Variants in PRKN observed in about 807,000 individuals in gnomAD.
PRKN encodes E3 ubiquitin-protein ligase parkin.
A neutral mutation model predicts 59.5 loss-of-function variants in PRKN; 56 were observed. The observed-to-expected ratio is 0.94, with a 90% CI of 0.76 to 1.18. The LOEUF is 1.18. PRKN is among the 50% of genes most tolerant of loss of function. The probability of loss-of-function intolerance (pLI) is 0.00; values close to 1 mark genes in which losing one functional copy is unlikely to be tolerated. For missense variants in PRKN, 657 were observed against 596.4 expected, an observed-to-expected ratio of 1.10 and a Z score of -1.06; for synonymous variants, 250 against 222.1, an observed-to-expected ratio of 1.13 and a Z score of -1.12.
intron 7 of PRKN, among the ~76,000 whole-genome samples, chr6:161,689,944 A>G (rs1446808049): frequency 4.2e-5 from 2 of 47,098 alleles, no homozygotes; most frequent in Non-Finnish European, 9.4e-5. Context: ...TCCTGACCTC[A>G]AGGGATACAC....
chr6:161,394,698 C>G lies in PRKN; in HGVS notation c.1084-7821G>C, dbSNP rs77093892. Among the ~76,000 whole-genome samples, 55 of 152,220 alleles carry G rather than the reference C, an allele frequency of 3.6e-4. No individual in the cohort carries two copies. In the East Asian group the frequency reaches 0.011, roughly 29 times the overall value. On this transcript the variant is annotated intron_variant, in intron 9 of 11. Coordinates refer to ENST00000366898, the MANE Select transcript of PRKN (RefSeq NM_004562.3). ...AGTACCACCTGTCTCAGAACTAGGG[C>G]CCCTCAGAGAAGATGAGTTCATGCA...
chr6:162,350,490 T>A (rs1318673957), intron 2 of PRKN, among the ~76,000 whole-genome samples: 1 of 152,072 alleles, frequency 6.6e-6, no homozygotes, highest in African/African-American at 2.4e-5. Flanking sequence ...GACAAATAGA[T>A]CAATAGAACA....
Position 161,538,802 on chromosome 6 carries a change from T to C in PRKN, c.1083+10052A>G, listed in dbSNP as rs999176022. ...GAGCTTGTAGAGAGATTTGATTGAA[T>C]AACTGATCGACTTAGCCTTTCCCAG... is the stretch of plus-strand genomic sequence containing the variant. On this transcript the variant is annotated intron_variant, in intron 9 of 11. Transcript: ENST00000366898. The surrounding 1 kb of genome is among the most constrained non-coding windows in gnomAD (Gnocchi z 4.2). Among the ~76,000 whole-genome samples, 5 of 152,200 alleles carry C rather than the reference T, an allele frequency of 3.3e-5. No homozygotes were observed. The East Asian group carries it at 9.6e-4, about 29-fold the overall frequency.
intron 7 of PRKN, among the ~76,000 whole-genome samples, chr6:161,704,649 T>C (rs959112182): frequency 1.6e-4 from 24 of 152,268 alleles, no homozygotes; most frequent in Admixed American, 1.6e-3. Flanking sequence ...AGCTGCCTCA[T>C]GGTCATCTCC....
chr6:161,963,378 C>T (rs939079097), intron 6 of PRKN, among the ~76,000 whole-genome samples: 1 of 152,222 alleles, frequency 6.6e-6, no homozygotes. Flanking sequence ...CCTGTGACAT[C>T]TCTAGGAAGC....
intron 6 of PRKN, among the ~76,000 whole-genome samples, chr6:161,895,024 C>A (rs1206980857): frequency 6.6e-6 from 1 of 152,054 alleles, no homozygotes. Flanking sequence ...TTTTATAGAC[C>A]GCTTATTTGT....
At chr6:162,345,443 T>A (rs76843671) in intron 2 of PRKN, among the ~76,000 whole-genome samples, 3,746 of 152,316 alleles carry the variant, frequency 0.025, 151 homozygotes, top group African/African-American at 0.085. Flanking sequence ...TTGTGGTGAC[T>A]GAATACATTG....
chr6:162,130,786 T>C (rs1364142076), intron 4 of PRKN, among the ~76,000 whole-genome samples: 1 of 152,218 alleles, frequency 6.6e-6, no homozygotes, highest in African/African-American at 2.4e-5. Context: ...GACATTTATT[T>C]CTTCCTAAAC....
intron 9 of PRKN, among the ~76,000 whole-genome samples, chr6:161,415,213 C>T (rs1787781923): frequency 6.6e-6 from 1 of 152,130 alleles, no homozygotes; most frequent in African/African-American, 2.4e-5. Context: ...AACAACTTAC[C>T]GTGTCCGCGA....
intron 1 of PRKN, among the ~76,000 whole-genome samples, chr6:162,454,639 T>C (rs1790778525): frequency 6.6e-6 from 1 of 152,220 alleles, no homozygotes; most frequent in Non-Finnish European, 1.5e-5. Flanking sequence ...ATATGGGACG[T>C]GCCAATGGAA....
intron 7 of PRKN, among the ~76,000 whole-genome samples, chr6:161,746,420 C>T (rs1225856154): frequency 1.3e-5 from 2 of 151,688 alleles, no homozygotes; most frequent in East Asian, 1.9e-4. Flanking sequence ...AGTCCAGAAT[C>T]CCCCCAGCTG....
chr6:162,481,213 C>T (rs1199260241), intron 1 of PRKN, among the ~76,000 whole-genome samples: 2 of 152,080 alleles, frequency 1.3e-5, no homozygotes. Flanking sequence ...CAAAAATAAC[C>T]CATTCCCTAT....
At chr6:162,110,811 GATGTA>G (rs1780397571) in intron 4 of PRKN, among the ~76,000 whole-genome samples, 2 of 152,160 alleles carry the variant, frequency 1.3e-5, no homozygotes, top group Admixed American at 1.3e-4. Context: ...TTGCTGATGG[GATGTA>G]ATGTAAAGTA....
chr6:162,368,705 C>T (rs771009254), intron 2 of PRKN, among the ~76,000 whole-genome samples: 104 of 152,172 alleles, frequency 6.8e-4, no homozygotes, highest in Admixed American at 3.3e-3. Flanking sequence ...CAAAGCAATA[C>T]CTCAATGCAG....
chr6:161,883,037 A>AC (rs980113288), intron 6 of PRKN, among the ~76,000 whole-genome samples: 1 of 142,702 alleles, frequency 7.0e-6, no homozygotes, highest in African/African-American at 2.6e-5. Context: ...AACAACAAAA[A>AC]AAAACCAAAA....
chr6:162,137,820 T>C (rs1781611713), intron 4 of PRKN, among the ~76,000 whole-genome samples: 1 of 152,208 alleles, frequency 6.6e-6, no homozygotes, highest in East Asian at 1.9e-4. Flanking sequence ...GTCCCATCTC[T>C]TCACACTGTT....
At chr6:161,365,076 G>A (rs968178893) in intron 10 of PRKN, among the ~76,000 whole-genome samples, 1 of 152,092 alleles carries the variant, frequency 6.6e-6, no homozygotes, top group Non-Finnish European at 1.5e-5. Flanking sequence ...ACATTCTAGG[G>A]TAATCAATAC....
At chr6:162,126,066 G>T (rs1162578056) in intron 4 of PRKN, among the ~76,000 whole-genome samples, 1 of 152,110 alleles carries the variant, frequency 6.6e-6, no homozygotes, top group Non-Finnish European at 1.5e-5. Context: ...TATGATACAT[G>T]GTTGCAAATT....
chr6:161,358,880 T>C (rs1018360963), intron 11 of PRKN, among the ~76,000 whole-genome samples: 3 of 144,732 alleles, frequency 2.1e-5, no homozygotes, highest in Non-Finnish European at 4.5e-5. Context: ...CTGCAAGCTC[T>C]GCCTCCCGGG....
Sources: allele counts gnomAD v4.1 joint callset (sites outside exome capture counted in the v4.1 genomes callset), GRCh38; gene constraint gnomAD v4.1.1; non-coding constraint Gnocchi (gnomAD v3.1); transcripts MANE v1.5; gene names NCBI Gene and HGNC (gene_info 2026-07-23, HGNC 2026-07-21).